The following PPIL2 variants were observed in gnomAD, a reference collection of about 807,000 sequenced individuals.
The protein encoded by PPIL2 is RING-type E3 ubiquitin-protein ligase PPIL2.
PPIL2 carries 50 observed loss-of-function variants against 75.2 expected under a neutral mutation model. That is an observed-to-expected ratio of 0.66 (90% confidence interval 0.53 to 0.84). The LOEUF (loss-of-function observed/expected upper bound fraction) is 0.84, where lower values mean the gene tolerates loss of function less well. Ranked by LOEUF, PPIL2 falls within the 40% of genes least tolerant of loss-of-function variation. The pLI is 0.00. For missense variants in PPIL2, 590 were observed against 685.0 expected (o/e 0.86, Z 1.55); for synonymous variants, 245 against 258.8 (o/e 0.95, Z 0.51).
In PPIL2 at chr22:21,688,848, T is replaced by C. The variant is rs767277596; in HGVS notation, c.1138T>C (p.Phe380Leu). The C allele has an allele frequency of 5.0e-6, 8 of 1,613,718 alleles. No individual in the cohort carries two copies. The highest frequency in any genetic ancestry group is 1.1e-5 in the South Asian group (1 of 91,066). ...NSGPNSNRSQ[F>L]FITFRSCAYL... is the part of the protein sequence containing the mutation. Reference sequence around the variant, plus strand: ...CGGGCCCAACAGCAACAGGTCTCAATTGTGAGTCAGCTGGGCTTGCTGGGG... The same window carrying C: ...CGGGCCCAACAGCAACAGGTCTCAACTGTGAGTCAGCTGGGCTTGCTGGGG... Residue 380 changes from phenylalanine to leucine, a missense_variant and splice_region_variant, in exon 15 of 20, where the codon TTC becomes CTC. Transcript: ENST00000398831.
chr22:21,690,073 G>A (rs1386446096), intron 15 of PPIL2, among the ~76,000 whole-genome samples: 1 of 152,058 alleles, frequency 6.6e-6, no homozygotes, highest in Non-Finnish European at 1.5e-5. Flanking sequence ...GTGGCTTTGT[G>A]GCCTGGAATG....
At chr22:21,685,207 G>A (rs1185398750) in intron 10 of PPIL2, among the ~76,000 whole-genome samples, 3 of 152,244 alleles carry the variant, frequency 2.0e-5, no homozygotes, top group African/African-American at 7.2e-5. Context: ...GCCACAGAAG[G>A]TCTGCCTTGT....
intron 2 of PPIL2, 32 bp downstream of exon 2, chr22:21,669,994 G>C (rs1470766429): frequency 6.3e-7 from 1 of 1,596,160 alleles, no homozygotes; most frequent in South Asian, 1.1e-5. Context: ...TTCCCCGTTG[G>C]GGGAGTGGTA....
intron 2 of PPIL2, 38 bp from the exon 3 acceptor site, chr22:21,670,528 A>C (rs776374042): frequency 6.4e-7 from 1 of 1,570,668 alleles, no homozygotes; most frequent in Admixed American, 1.7e-5. Flanking sequence ...AATACTTTAC[A>C]GAGTAAGATT....
chr22:21,686,325 C>T (rs1307450975), intron 10 of PPIL2, among the ~76,000 whole-genome samples, 158 bp from the exon 11 acceptor site: 1 of 152,204 alleles, frequency 6.6e-6, no homozygotes, highest in African/African-American at 2.4e-5. Flanking sequence ...GCCTTGGCTT[C>T]TTCCTCCTGC....
rs2066781640 is a variant in PPIL2, at chr22:21,675,057, C to T, written c.244-7C>T. 3 of 1,606,262 alleles carry T rather than the reference C, an allele frequency of 1.9e-6. No homozygotes were observed. The highest frequency in any genetic ancestry group is 4.5e-5 in the East Asian group (2 of 44,848). On this transcript the variant is annotated splice_region_variant and splice_polypyrimidine_tract_variant and intron_variant, in intron 5 of 19. Coordinates refer to ENST00000398831, the MANE Select transcript of PPIL2 (RefSeq NM_014337.4). ...TTATCATTAATTATTAACTGTGCTTCTTCCAGAAGCTGGACGGGAGGTCCC... is the reference window on the plus strand; with the variant it reads ...TTATCATTAATTATTAACTGTGCTTTTTCCAGAAGCTGGACGGGAGGTCCC...
At chr22:21,678,007 C>T (rs1269282591) in intron 6 of PPIL2, among the ~76,000 whole-genome samples, 2 of 152,114 alleles carry the variant, frequency 1.3e-5, no homozygotes, top group African/African-American at 4.8e-5. Context: ...GGTGTCTGTG[C>T]CCAGCTGGGA....
intron 6 of PPIL2, among the ~76,000 whole-genome samples, chr22:21,676,826 A>G (rs557977346): frequency 6.6e-6 from 1 of 152,310 alleles, no homozygotes; most frequent in South Asian, 2.1e-4. Flanking sequence ...TTTCTATTCG[A>G]CAAAACCACC....
rs577503198 is a variant in PPIL2, at chr22:21,696,290, G to A, written c.*800G>A. On this transcript the variant is annotated 3_prime_UTR_variant, in exon 20 of 20. Coordinates refer to ENST00000398831, the MANE Select transcript of PPIL2 (RefSeq NM_014337.4). ...GGGCTTCATCTCAAGCCTGCCTGGC[G>A]TCTCTGTGCCCCTGTGAGAATCTTG... 1.4e-4 allele frequency: 142 copies of A among 1,035,298 alleles called. No individual in the cohort carries two copies. In the Middle Eastern group the frequency reaches 1.5e-3, roughly 11 times the overall value. The allele number at this position is 1,035,298 out of a possible 1,614,324, so 64.1% of individuals were successfully genotyped here. A position where few individuals can be genotyped will look rare whatever the true frequency, so the allele number is the denominator to read the frequency against.
In PPIL2 at chr22:21,693,803, CCCT is replaced by C. The variant is rs1569046865; in HGVS notation, c.1140-7_1140-5del. 1.3e-6 allele frequency: 2 copies of C among 1,531,024 alleles called. No homozygotes were observed. Among genetic ancestry groups the C allele is most frequent in the Admixed American group, 1.7e-5 (1 of 59,872 alleles). The allele number at this position is 1,531,024 out of a possible 1,614,324, so 94.8% of individuals were successfully genotyped here. ...TGCCATGCTCTCCCTAACCATCCAG[CCCT>C]CCTCCCCAGCTTCATCACGTTTCGC... is the stretch of plus-strand genomic sequence containing the variant. On this transcript the variant is annotated splice_polypyrimidine_tract_variant and intron_variant, in intron 15 of 19. Coordinates refer to ENST00000398831, the MANE Select transcript of PPIL2 (RefSeq NM_014337.4).
rs748406357 is a variant in PPIL2 at position 21,687,664 on chromosome 22, TTCA to T, written c.923_925del (p.Ile308del). On this transcript the variant is annotated inframe_deletion, in exon 13 of 20. Transcript: ENST00000398831. ...GCAGACACCAAAAACCTGCGAAAAC[TTCA>T]TCAGGCTTTGCAAGAAGCATTATTA... 5 of 1,446,582 alleles carry T rather than the reference TTCA, an allele frequency of 3.5e-6. No homozygotes were observed. The highest frequency in any genetic ancestry group is 1.1e-5 in the South Asian group (1 of 88,788). The allele number at this position is 1,446,582 out of a possible 1,614,324, so 89.6% of individuals were successfully genotyped here.
Position 21,696,765 on chromosome 22 carries a change from T to G in PPIL2, c.*1275T>G, listed in dbSNP as rs1201969800. ...CTGTCAGCAACTTGCAGGCTGTACCTCTGCCCTTCCTTTTCTCATCAATCA... is the reference window on the plus strand; with the variant it reads ...CTGTCAGCAACTTGCAGGCTGTACCGCTGCCCTTCCTTTTCTCATCAATCA... On this transcript the variant is annotated 3_prime_UTR_variant, in exon 20 of 20. Transcript: ENST00000398831. 4 of 1,544,318 alleles carry G rather than the reference T, an allele frequency of 2.6e-6. No homozygotes were observed. The highest frequency in any genetic ancestry group is 2.6e-6 in the Non-Finnish European group (3 of 1,146,948).
intron 15 of PPIL2, among the ~76,000 whole-genome samples, chr22:21,692,021 G>A (rs1204921224): frequency 2.0e-5 from 3 of 151,854 alleles, no homozygotes; most frequent in Non-Finnish European, 2.9e-5. Flanking sequence ...CCTGGGGAGT[G>A]CTCCGTGCCG....
At chr22:21,685,959 C>T (rs1195345567) in intron 10 of PPIL2, among the ~76,000 whole-genome samples, 1 of 151,728 alleles carries the variant, frequency 6.6e-6, no homozygotes, top group South Asian at 2.1e-4. Context: ...TGCTTGAGGC[C>T]AGGAGATCAA....
intron 15 of PPIL2, among the ~76,000 whole-genome samples, chr22:21,690,375 C>T (rs1384017234): frequency 6.7e-6 from 1 of 148,454 alleles, no homozygotes; most frequent in Non-Finnish European, 1.5e-5. Flanking sequence ...CAGTGAGACC[C>T]TGTCTGGAAA....
chr22:21,669,296 A>G, intron 1 of PPIL2: 1 of 416,554 alleles, frequency 2.4e-6, no homozygotes, highest in South Asian at 1.7e-5. Flanking sequence ...CACAGGTGTG[A>G]GCTGTCACAC....
chr22:21,675,073 G>C lies in PPIL2; in HGVS notation c.253G>C (p.Gly85Arg). 1 of 1,611,384 alleles carries C rather than the reference G, an allele frequency of 6.2e-7. No individual in the cohort carries two copies. The highest frequency in any genetic ancestry group is 8.5e-7 in the Non-Finnish European group (1 of 1,177,576). ...ACTGTGCTTCTTCCAGAAGCTGGAC[G>C]GGAGGTCCCTGATCAAGCTGAACTT... ...TNPSNGEKLD[G>R]RSLIKLNFSK... The change falls in exon 6 of 20, where the codon GGG becomes CGG. Residue 85 changes from glycine (G) to arginine (R), a missense_variant. Gly to Arg is a moderately radical substitution (Grantham distance 125). Transcript: ENST00000398831.
intron 5 of PPIL2, among the ~76,000 whole-genome samples, chr22:21,674,448 G>A (rs1004491485): frequency 4.9e-4 from 75 of 152,346 alleles, no homozygotes; most frequent in African/African-American, 1.8e-3. Context: ...GCATTGGAGT[G>A]TATTTCTTAC....
chr22:21,695,453 A>C lies in PPIL2; in HGVS notation c.1526A>C (p.Lys509Thr). The part of the protein sequence containing the change: ...TSATVPMSKK[K>T]PSRGFGDFSS... The stretch of plus-strand genomic sequence containing the variant: ...GCCACTGTCCCCATGTCCAAGAAGA[A>C]GCCCAGTCGGGGTTTTGGGGACTTC... Residue 509 changes from lysine to threonine, a missense_variant, in exon 20 of 20, where the codon AAG (lysine) becomes ACG (threonine). Lys to Thr is a moderately conservative substitution (Grantham distance 78, BLOSUM62 -1). Transcript: ENST00000398831. The C allele has an allele frequency of 6.2e-7, 1 of 1,609,180 alleles. No individual in the cohort carries two copies. The highest frequency in any genetic ancestry group is 8.5e-7 in the Non-Finnish European group (1 of 1,177,696).
Sources: allele counts gnomAD v4.1 joint callset (sites outside exome capture counted in the v4.1 genomes callset), GRCh38; gene constraint gnomAD v4.1.1; transcripts MANE v1.5; gene names NCBI Gene and HGNC (gene_info 2026-07-23, HGNC 2026-07-21).